Variants in CCDC158 observed in about 807,000 individuals in gnomAD.
The protein encoded by CCDC158 is coiled-coil domain containing 158, also known as coiled-coil domain-containing protein 158.
Under a neutral mutation model 138.6 loss-of-function variants are expected in CCDC158, and 116 were observed. That is an observed-to-expected ratio of 0.84 (90% confidence interval 0.72 to 0.98). The LOEUF (loss-of-function observed/expected upper bound fraction) is 0.98, where lower values mean the gene tolerates loss of function less well. CCDC158 is among the 50% of genes least tolerant of loss of function. The pLI, the probability that CCDC158 is intolerant of heterozygous loss-of-function variation, is 0.00. For missense variants in CCDC158, 1,265 were observed against 1,306.1 expected, an observed-to-expected ratio of 0.97 and a Z score of 0.48; for synonymous variants, 436 against 442.4, an observed-to-expected ratio of 0.99 and a Z score of 0.18.
intron 14 of CCDC158, 132 bp downstream of exon 14, chr4:76,357,242 A>C (rs892480440): frequency 2.6e-5 from 13 of 491,556 alleles, no homozygotes; most frequent in Non-Finnish European, 2.4e-5. Flanking sequence ...ATTAATACCT[A>C]CTATTGTATA....
intron 3 of CCDC158, among the ~76,000 whole-genome samples, chr4:76,397,880 G>A (rs1432715377): frequency 6.6e-6 from 1 of 152,114 alleles, no homozygotes; most frequent in Admixed American, 6.6e-5. Flanking sequence ...AGGAACAAGG[G>A]CTTCCTAGCA....
chr4:76,322,641 A>G (rs1436951996), intron 24 of CCDC158, among the ~76,000 whole-genome samples: 1 of 152,212 alleles, frequency 6.6e-6, no homozygotes, highest in Non-Finnish European at 1.5e-5. Context: ...GGCATAAAAA[A>G]TGTACTTCAA....
intron 12 of CCDC158, among the ~76,000 whole-genome samples, chr4:76,366,231 A>G (rs1475293544): frequency 6.6e-6 from 1 of 152,182 alleles, no homozygotes; most frequent in Non-Finnish European, 1.5e-5. Context: ...GTCCCTTTTC[A>G]TGGTGAGTTT....
rs768694343 is a variant in CCDC158 at position 76,396,466 on chromosome 4, C to CA, written c.90dup (p.Val31CysfsTer10). 6.2e-6 allele frequency: 10 copies of CA among 1,602,556 alleles called. No homozygotes were observed. Among genetic ancestry groups the CA allele is most frequent in the South Asian group, 1.1e-5 (1 of 87,932 alleles). On this transcript the variant is annotated frameshift_variant, in exon 4 of 25. Transcript: ENST00000682701. LOFTEE classifies it high-confidence loss of function. ...ATTATTGTACCACGAATAGATGACA[C>CA]AAAAAATGAACTTGAAGAACCTAAA...
intron 8 of CCDC158, among the ~76,000 whole-genome samples, chr4:76,381,039 A>C (rs910911345): frequency 6.6e-6 from 1 of 152,240 alleles, no homozygotes; most frequent in Non-Finnish European, 1.5e-5. Context: ...TAGATTTCAT[A>C]GCATGTATGG....
chr4:76,380,574 G>T (rs1433744909), intron 8 of CCDC158, among the ~76,000 whole-genome samples: 2 of 152,182 alleles, frequency 1.3e-5, no homozygotes, highest in Non-Finnish European at 2.9e-5. Context: ...CAAAGAGATG[G>T]TGTGAAATTG....
intron 12 of CCDC158, among the ~76,000 whole-genome samples, chr4:76,362,829 AAGAAG>A (rs1724280724): frequency 6.6e-6 from 1 of 152,194 alleles, no homozygotes; most frequent in East Asian, 1.9e-4. Flanking sequence ...CTCCTCTAGT[AAGAAG>A]AGAAGAAAAC....
At chr4:76,361,237 T>C (rs1218899304) in intron 13 of CCDC158, among the ~76,000 whole-genome samples, 1 of 152,206 alleles carries the variant, frequency 6.6e-6, no homozygotes, top group Non-Finnish European at 1.5e-5. Flanking sequence ...CCTGCAGAAC[T>C]GTGAGTCAAT....
In CCDC158 at chr4:76,367,432, G is replaced by C; in HGVS notation, c.1692C>G (p.Ile564Met). Residue 564 changes from isoleucine to methionine, a missense_variant, in exon 12 of 25, where the codon ATC becomes ATG. Transcript: ENST00000682701. ...TCTCAATCTGCTGTCGCAGAATCTC[G>C]ATCACCTTGTCCTTCTCTGTCATCT... Reference protein sequence around the residue: ...KLQMTEKDKVIEILRQQIENM... With the variant: ...KLQMTEKDKVMEILRQQIENM... 6.2e-7 allele frequency: 1 copy of C among 1,614,174 alleles called. No individual in the cohort carries two copies. The highest frequency in any genetic ancestry group is 1.1e-5 in the South Asian group (1 of 91,084).
chr4:76,401,082 G>C (rs959946566), intron 3 of CCDC158, among the ~76,000 whole-genome samples: 16 of 151,612 alleles, frequency 1.1e-4, no homozygotes, highest in African/African-American at 3.9e-4. Context: ...CTCAAGGTGT[G>C]GATCTAAGCC....
At chr4:76,382,921 T>C (rs1183801671) in intron 7 of CCDC158, among the ~76,000 whole-genome samples, 1 of 152,196 alleles carries the variant, frequency 6.6e-6, no homozygotes, top group Non-Finnish European at 1.5e-5. Flanking sequence ...AGTTTTGGAA[T>C]TCAGAATTTT....
intron 24 of CCDC158, among the ~76,000 whole-genome samples, chr4:76,315,391 C>T (rs1030141681): frequency 2.0e-5 from 3 of 152,156 alleles, no homozygotes; most frequent in East Asian, 1.9e-4. Flanking sequence ...GCACATCACC[C>T]GATAAACCCA....
rs764986907 is a variant in CCDC158, at chr4:76,357,483, T to C, written c.2064A>G (p.Glu688=). The C allele has an allele frequency of 1.9e-6, 3 of 1,603,106 alleles. No individual in the cohort carries two copies. The highest frequency in any genetic ancestry group is 2.6e-6 in the Non-Finnish European group (3 of 1,173,874). The change falls in exon 14 of 25, where the codon GAA becomes GAG. Residue 688 remains glutamate, a synonymous_variant. Transcript: ENST00000682701. The stretch of plus-strand genomic sequence containing the variant: ...ACTTATTTGTAGTCATTTCCATTTC[T>C]TCACTTTTGTTTCGGAAATTCCTTT... ...VLKRNFRNKS[E]EMEMTTNKLK...
intron 23 of CCDC158, among the ~76,000 whole-genome samples, chr4:76,323,625 TTTGA>T (rs1416535759): frequency 1.2e-4 from 18 of 152,170 alleles, no homozygotes; most frequent in South Asian, 4.1e-4. Flanking sequence ...TGCTAGCCTA[TTTGA>T]TTGTGCTCAA....
intron 16 of CCDC158, chr4:76,352,029 T>C: frequency 2.4e-6 from 1 of 417,830 alleles, no homozygotes; most frequent in Non-Finnish European, 4.2e-6. Context: ...ACGTAACTTT[T>C]AGTATGTGAA....
At chr4:76,328,796 A>T (rs959513353) in intron 22 of CCDC158, 104 bp downstream of exon 22, 1 of 841,592 alleles carries the variant, frequency 1.2e-6, no homozygotes. Context: ...GAGGCCAGAG[A>T]GTTAAAAAGG....
Position 76,379,413 on chromosome 4 carries a change from A to G in CCDC158, c.915-9T>C, listed in dbSNP as rs1210263363. ...GGTTTCTTGCTTGCTCTCTAAGAAG[A>G]GTTTAGAAGGGGAATAAGTGCAAAT... On this transcript the variant is annotated splice_polypyrimidine_tract_variant and intron_variant, in intron 8 of 24. Transcript: ENST00000682701. 3.2e-6 allele frequency: 5 copies of G among 1,559,920 alleles called. No homozygotes were observed. In the East Asian group the frequency reaches 1.2e-4, roughly 36 times the overall value.
At chr4:76,345,131 T>C in intron 18 of CCDC158, 3 of 1,112,072 alleles carry the variant, frequency 2.7e-6, no homozygotes, top group Non-Finnish European at 4.2e-6. Context: ...CCTGCTTACA[T>C]TGCCTGGCTT....
chr4:76,318,371 C>T (rs970003522), intron 24 of CCDC158, among the ~76,000 whole-genome samples: 2 of 152,012 alleles, frequency 1.3e-5, no homozygotes, highest in African/African-American at 4.8e-5. Flanking sequence ...TCATTTAGGG[C>T]TACTATGAAC....
Sources: allele counts gnomAD v4.1 joint callset (sites outside exome capture counted in the v4.1 genomes callset), GRCh38; gene constraint gnomAD v4.1.1; transcripts MANE v1.5; gene names NCBI Gene and HGNC (gene_info 2026-07-23, HGNC 2026-07-21).